The following DCDC2 variants were observed in gnomAD, a reference collection of about 807,000 sequenced individuals.
DCDC2 encodes the protein doublecortin domain-containing protein 2.
A neutral mutation model predicts 50.2 loss-of-function variants in DCDC2; 40 were observed. The observed-to-expected ratio is 0.80, with a 90% confidence interval of 0.62 to 1.04. The LOEUF is 1.04. Ranked by LOEUF, DCDC2 falls within the 50% of genes least tolerant of loss-of-function variation. DCDC2 has a pLI of 0.00. For synonymous variants in DCDC2, 234 were observed against 210.6 expected, an observed-to-expected ratio of 1.11 and a Z score of -0.96; for missense variants, 570 against 581.9, an observed-to-expected ratio of 0.98 and a Z score of 0.21.
At chr6:24,345,219 C>T (rs866932518) in intron 2 of DCDC2, among the ~76,000 whole-genome samples, 53 of 152,124 alleles carry the variant, frequency 3.5e-4, no homozygotes, top group African/African-American at 1.3e-3. Flanking sequence ...ATAATTAATG[C>T]CTGGAATCCC....
At chr6:24,180,294 G>T (rs994713855) in intron 8 of DCDC2, among the ~76,000 whole-genome samples, 2 of 151,230 alleles carry the variant, frequency 1.3e-5, no homozygotes, top group Non-Finnish European at 3.0e-5. Flanking sequence ...TTGTTTTTTG[G>T]TTTTTTTTGA....
At chr6:24,219,746 T>C (rs1762058703) in intron 7 of DCDC2, among the ~76,000 whole-genome samples, 1 of 152,200 alleles carries the variant, frequency 6.6e-6, no homozygotes, top group Non-Finnish European at 1.5e-5. Context: ...TGAACTTGTG[T>C]GCTTTGTAAG....
Position 24,286,027 on chromosome 6 carries a change from G to T in DCDC2, c.759+2825C>A, listed in dbSNP as rs550872996. On this transcript the variant is annotated intron_variant, in intron 6 of 9. Transcript: ENST00000378454. Reference sequence around the variant, plus strand: ...CAATTTCCAATCCCTAAATTCATGAGTTTTATTTAGCTTTATAGTTGCTCT... The same window carrying T: ...CAATTTCCAATCCCTAAATTCATGATTTTTATTTAGCTTTATAGTTGCTCT... 3.9e-5 allele frequency among the ~76,000 whole-genome samples: 6 copies of T among 152,262 alleles called. No individual in the cohort carries two copies. In the South Asian group the frequency reaches 1.2e-3, roughly 32 times the overall value.
chr6:24,242,606 C>T (rs1383464068), intron 7 of DCDC2, among the ~76,000 whole-genome samples: 1 of 152,040 alleles, frequency 6.6e-6, no homozygotes, highest in Non-Finnish European at 1.5e-5. Context: ...CTGAGCTTGC[C>T]GAGGACAGAC....
intron 2 of DCDC2, among the ~76,000 whole-genome samples, chr6:24,318,684 G>T (rs12207932): frequency 6.6e-6 from 1 of 151,776 alleles, no homozygotes; most frequent in African/African-American, 2.4e-5. Flanking sequence ...GAGTAGTTAC[G>T]CTTAAGATAA....
chr6:24,291,516 C>G (rs1230817991), intron 4 of DCDC2, among the ~76,000 whole-genome samples: 1 of 131,364 alleles, frequency 7.6e-6, no homozygotes, highest in Non-Finnish European at 1.5e-5. Context: ...GACGGAGTCT[C>G]GCTCTGTCGC....
the DCDC2 span, among the ~76,000 whole-genome samples, chr6:24,372,232 T>C: frequency 6.6e-6 from 1 of 152,094 alleles, no homozygotes; most frequent in Non-Finnish European, 1.5e-5. Flanking sequence ...CCATCCTGGC[T>C]AACACGGTGA....
intron 2 of DCDC2, among the ~76,000 whole-genome samples, chr6:24,317,803 A>G (rs571287477): frequency 6.6e-6 from 1 of 152,000 alleles, no homozygotes; most frequent in East Asian, 1.9e-4. Flanking sequence ...AAATAAAAAA[A>G]AAACTCTTTA....
At chr6:24,271,699 C>A (rs991173016) in intron 7 of DCDC2, among the ~76,000 whole-genome samples, 28 of 152,308 alleles carry the variant, frequency 1.8e-4, no homozygotes, top group African/African-American at 6.7e-4. Flanking sequence ...TGTTTTCCCA[C>A]TGGAAACACC....
At chr6:24,290,388 C>T (rs541065324) in intron 5 of DCDC2, among the ~76,000 whole-genome samples, 7 of 152,164 alleles carry the variant, frequency 4.6e-5, no homozygotes, top group Non-Finnish European at 7.4e-5. Flanking sequence ...AAACTGTTTA[C>T]GGTATATTGT....
chr6:24,218,639 C>G, intron 7 of DCDC2, among the ~76,000 whole-genome samples: 1 of 152,114 alleles, frequency 6.6e-6, no homozygotes, highest in Non-Finnish European at 1.5e-5. Context: ...GGGCATGCAT[C>G]ATCACACCTG....
chr6:24,252,805 T>C (rs1215887205), intron 7 of DCDC2, among the ~76,000 whole-genome samples: 2 of 152,136 alleles, frequency 1.3e-5, no homozygotes, highest in African/African-American at 2.4e-5. Context: ...TGAGCCATAA[T>C]GCAAGTCTCA....
intron 2 of DCDC2, among the ~76,000 whole-genome samples, chr6:24,315,424 A>G (rs1183604145): frequency 6.6e-6 from 1 of 152,312 alleles, no homozygotes; most frequent in East Asian, 1.9e-4. Flanking sequence ...TTCTGAAATC[A>G]GAAGCTGTCT....
At chr6:24,242,322 C>A (rs1179810462) in intron 7 of DCDC2, among the ~76,000 whole-genome samples, 1 of 152,130 alleles carries the variant, frequency 6.6e-6, no homozygotes, top group Non-Finnish European at 1.5e-5. Flanking sequence ...CTTTGATAGC[C>A]TCGTGTTATT....
At chr6:24,294,406 A>G (rs1167775006) in intron 4 of DCDC2, among the ~76,000 whole-genome samples, 1 of 152,146 alleles carries the variant, frequency 6.6e-6, no homozygotes, top group Non-Finnish European at 1.5e-5. Flanking sequence ...ACACAACTAA[A>G]AGAACTAAAG....
chr6:24,279,133 G>A (rs1763418217), intron 6 of DCDC2, among the ~76,000 whole-genome samples: 1 of 152,178 alleles, frequency 6.6e-6, no homozygotes, highest in South Asian at 2.1e-4. Context: ...CAGCTCCTGG[G>A]GAGCCACATA....
At chr6:24,239,665 T>C (rs1176680005) in intron 7 of DCDC2, among the ~76,000 whole-genome samples, 1 of 152,208 alleles carries the variant, frequency 6.6e-6, no homozygotes, top group Non-Finnish European at 1.5e-5. Context: ...TTTACTCTCA[T>C]GTTCCCAGGC....
chr6:24,190,844 A>G (rs1178140723), intron 8 of DCDC2, among the ~76,000 whole-genome samples: 18 of 152,248 alleles, frequency 1.2e-4, no homozygotes, highest in Admixed American at 1.2e-3. Context: ...TACCATTTAC[A>G]CATAATCCCT....
chr6:24,355,505 A>G (rs565022410), intron 1 of DCDC2, among the ~76,000 whole-genome samples: 1 of 152,340 alleles, frequency 6.6e-6, no homozygotes, highest in Admixed American at 6.5e-5. Context: ...ACACACATCT[A>G]TAGCATTTAC....
Sources: allele counts gnomAD v4.1 joint callset (sites outside exome capture counted in the v4.1 genomes callset), GRCh38; gene constraint gnomAD v4.1.1; transcripts MANE v1.5; gene names NCBI Gene and HGNC (gene_info 2026-07-23, HGNC 2026-07-21).